UBE3C: variants seen among roughly 807,000 people sequenced by gnomAD.
UBE3C encodes the protein ubiquitin-protein ligase E3C.
UBE3C carries 42 observed loss-of-function variants against 129.4 expected under a neutral mutation model. The ratio of observed to expected loss-of-function variants is 0.32; its 90% CI spans 0.25 to 0.42. UBE3C has a LOEUF of 0.42. UBE3C is among the 10% of genes least tolerant of loss of function. The pLI is 1.00. For synonymous variants in UBE3C, 510 were observed against 492.4 expected (o/e 1.04, Z -0.47); for missense variants, 1,049 against 1,319.1 (o/e 0.80, Z 3.17).
intron 18 of UBE3C, among the ~76,000 whole-genome samples, chr7:157,233,274 G>A (rs1796069741): frequency 6.6e-6 from 1 of 152,086 alleles, no homozygotes; most frequent in African/African-American, 2.4e-5. Flanking sequence ...TCATTGTATG[G>A]ATATACCACA....
At chr7:157,148,731 CTT>C (rs58138213) in intron 1 of UBE3C, among the ~76,000 whole-genome samples, 42 of 131,666 alleles carry the variant, frequency 3.2e-4, no homozygotes, top group Non-Finnish European at 4.1e-4. Flanking sequence ...CAAATTAGTT[CTT>C]TTTTTTTTTT....
chr7:157,143,008 C>T (rs1031445327), intron 1 of UBE3C, among the ~76,000 whole-genome samples: 1 of 152,048 alleles, frequency 6.6e-6, no homozygotes, highest in African/African-American at 2.4e-5. Context: ...GCTGGGATTA[C>T]AGGCCTGCAC....
At chr7:157,223,384 TATC>T (rs775973940) in intron 16 of UBE3C, 33 bp downstream of exon 16, 36 of 1,568,492 alleles carry the variant, frequency 2.3e-5, no homozygotes, top group South Asian at 4.6e-5. Flanking sequence ...TGTCACTACG[TATC>T]ATATTAGTGT....
intron 1 of UBE3C, among the ~76,000 whole-genome samples, chr7:157,141,838 C>T (rs996588241): frequency 3.3e-5 from 5 of 152,190 alleles, no homozygotes; most frequent in African/African-American, 9.7e-5. Context: ...CCATCCGCCT[C>T]GGTGCACGGC....
intron 1 of UBE3C, among the ~76,000 whole-genome samples, chr7:157,139,842 A>G (rs1807381453): frequency 3.9e-5 from 6 of 152,238 alleles, no homozygotes; most frequent in Admixed American, 3.9e-4. Context: ...CGGTTGTAGA[A>G]GGTGAACGGC....
intron 18 of UBE3C, among the ~76,000 whole-genome samples, chr7:157,241,804 CCATA>C (rs1476710661): frequency 6.6e-6 from 1 of 152,186 alleles, no homozygotes; most frequent in Non-Finnish European, 1.5e-5. Flanking sequence ...TACGGTTCAT[CCATA>C]CAGTGGACTA....
intron 22 of UBE3C, among the ~76,000 whole-genome samples, chr7:157,257,298 C>T (rs999726716): frequency 5.9e-5 from 9 of 151,982 alleles, no homozygotes; most frequent in African/African-American, 1.7e-4. Flanking sequence ...GTGAACAAAC[C>T]GTACATTTGG....
At chr7:157,189,009 G>T in intron 10 of UBE3C, 1 of 571,176 alleles carries the variant, frequency 1.8e-6, no homozygotes, top group African/African-American at 1.8e-5. Context: ...CGAGACAGAT[G>T]CGTACATGAA....
intron 3 of UBE3C, 44 bp downstream of exon 3, chr7:157,169,166 G>T: frequency 1.3e-6 from 2 of 1,505,118 alleles, no homozygotes; most frequent in East Asian, 2.3e-5. Flanking sequence ...GCATGGGAGA[G>T]CTTATTTTAA....
At chr7:157,247,511 G>A (rs1412206760) in intron 18 of UBE3C, among the ~76,000 whole-genome samples, 3 of 152,142 alleles carry the variant, frequency 2.0e-5, no homozygotes, top group African/African-American at 7.2e-5. Context: ...GGCCAATATG[G>A]CAAAACCCCG....
At chr7:157,146,782 G>GT (rs1807616979) in intron 1 of UBE3C, among the ~76,000 whole-genome samples, 1 of 152,052 alleles carries the variant, frequency 6.6e-6, no homozygotes, top group Non-Finnish European at 1.5e-5. Context: ...AGCATCCTGA[G>GT]TAGCTGGGTG....
rs1797122641 is a variant in UBE3C at position 157,267,843 on chromosome 7, C to T, written c.*88C>T. ...CAGACCCACGAGGATACTCACACTG[C>T]ACGCCTGAGGCTCTCCTAAGCTCCT... On this transcript the variant is annotated 3_prime_UTR_variant, in exon 23 of 23. Transcript: ENST00000348165. The T allele has an allele frequency of 1.7e-6, 2 of 1,190,492 alleles. No homozygotes were observed. Among genetic ancestry groups the T allele is most frequent in the Non-Finnish European group, 2.3e-6 (2 of 869,124 alleles). The allele number at this position is 1,190,492 out of a possible 1,614,324, so 73.7% of individuals were successfully genotyped here. A position where few individuals can be genotyped will look rare whatever the true frequency, so the allele number is the denominator to read the frequency against.
chr7:157,168,065 C>G (rs1250034510), intron 2 of UBE3C, among the ~76,000 whole-genome samples: 2 of 151,856 alleles, frequency 1.3e-5, no homozygotes, highest in Non-Finnish European at 2.9e-5. Context: ...TTAAAAAGTC[C>G]TGCTAGCCGG....
rs1449408177 is a variant in UBE3C, at chr7:157,216,974, G to A, written c.1914+3G>A. 1 of 1,602,586 alleles carries A rather than the reference G, an allele frequency of 6.2e-7. No individual in the cohort carries two copies. The highest frequency in any genetic ancestry group is 1.3e-5 in the African/African-American group (1 of 74,426). ...AAGAAGATATTAAAGCAGATAAGGT[G>A]TTATTGAAAGATCTTTTTAATATTT... is the stretch of plus-strand genomic sequence containing the variant. On this transcript the variant is annotated splice_donor_region_variant and intron_variant, in intron 14 of 22. Coordinates refer to ENST00000348165, the MANE Select transcript of UBE3C (RefSeq NM_014671.3).
intron 1 of UBE3C, among the ~76,000 whole-genome samples, chr7:157,145,254 AAAG>A (rs2116791739): frequency 6.6e-6 from 1 of 151,542 alleles, no homozygotes; most frequent in Non-Finnish European, 1.5e-5. Context: ...AAAAAAGAAA[AAAG>A]GAGGAGGCCC....
chr7:157,151,269 G>A (rs1024629897), intron 1 of UBE3C, among the ~76,000 whole-genome samples: 2 of 152,228 alleles, frequency 1.3e-5, no homozygotes, highest in African/African-American at 4.8e-5. Flanking sequence ...AGCCTATTAG[G>A]AGTTAAAAAT....
intron 19 of UBE3C, among the ~76,000 whole-genome samples, chr7:157,252,065 G>A (rs79477401): frequency 0.18 from 26,909 of 152,086 alleles, 2,638 homozygotes; most frequent in East Asian, 0.36. Context: ...GAACCCAGAT[G>A]GTGGAGGTTG....
intron 22 of UBE3C, among the ~76,000 whole-genome samples, chr7:157,262,264 CAAAT>C (rs1796934672): frequency 6.6e-6 from 1 of 150,914 alleles, no homozygotes; most frequent in Non-Finnish European, 1.5e-5. Context: ...TTTAAAGGAG[CAAAT>C]AAACTATAAT....
Position 157,267,729 on chromosome 7 carries a change from T to C in UBE3C, c.3226T>C (p.Cys1076Arg). Residue 1076 changes from cysteine to arginine, a missense_variant, in exon 23 of 23, where the codon TGT becomes CGT. By Grantham distance (180) the Cys-to-Arg change is radical (BLOSUM62 -3). This residue lies in a region of UBE3C where 243 missense variants were observed against 368.7 expected (regional missense o/e 0.66). Transcript: ENST00000348165. The part of the protein sequence containing the change: ...LRSKLLYAIE[C>R]AAGFELS ...AAGTAAACTTCTCTATGCGATTGAA[T>C]GTGCCGCTGGCTTTGAGCTGAGCTG... 1 of 1,610,618 alleles carries C rather than the reference T, an allele frequency of 6.2e-7. No homozygotes were observed. Among genetic ancestry groups the C allele is most frequent in the Non-Finnish European group, 8.5e-7 (1 of 1,178,434 alleles).
Sources: gnomAD v4.1 joint callset for allele counts (sites outside exome capture counted in the v4.1 genomes callset) on GRCh38, gnomAD v4.1.1 for gene constraint, gnomAD v4.1.1 regional missense constraint, MANE v1.5 for transcripts, NCBI Gene and HGNC (gene_info 2026-07-23, HGNC 2026-07-21) for gene names.